UBE2E2: variants seen among roughly 807,000 people sequenced by gnomAD.
The protein encoded by UBE2E2 is ubiquitin-conjugating enzyme E2 E2.
In UBE2E2, 6 loss-of-function variants were observed where a neutral mutation model predicts 24.7. That is an observed-to-expected ratio of 0.24 (90% confidence interval 0.13 to 0.48). UBE2E2 has a LOEUF of 0.48. Among genes scored for constraint, UBE2E2 ranks in the 20% least tolerant of loss-of-function variants. The probability of loss-of-function intolerance (pLI) is 0.99; values close to 1 mark genes in which losing one functional copy is unlikely to be tolerated. For synonymous variants in UBE2E2, 104 were observed against 83.6 expected (o/e 1.24, Z -1.33); for missense variants, 169 against 245.0 (o/e 0.69, Z 2.07).
intron 3 of UBE2E2, among the ~76,000 whole-genome samples, chr3:23,377,288 G>A (rs1403637157): frequency 1.3e-5 from 2 of 152,152 alleles, no homozygotes; most frequent in Non-Finnish European, 2.9e-5. Flanking sequence ...GCACACTGAA[G>A]CAAGACTAGC....
intron 3 of UBE2E2, among the ~76,000 whole-genome samples, chr3:23,367,603 T>C (rs1417335078): frequency 6.6e-6 from 1 of 152,218 alleles, no homozygotes; most frequent in Admixed American, 6.5e-5. Flanking sequence ...TCTTCATCTA[T>C]ATCCCTTGCA....
At chr3:23,545,549 C>T (rs187987255) in intron 5 of UBE2E2, among the ~76,000 whole-genome samples, 1 of 152,266 alleles carries the variant, frequency 6.6e-6, no homozygotes, top group African/African-American at 2.4e-5. Context: ...TTTTTTAGTA[C>T]AGAACAAAAT....
At chr3:23,461,331 A>C (rs1407070446) in intron 3 of UBE2E2, among the ~76,000 whole-genome samples, 1 of 152,148 alleles carries the variant, frequency 6.6e-6, no homozygotes, top group Non-Finnish European at 1.5e-5. Context: ...CTCTTGCCTC[A>C]AGTTTGCTAG....
intron 5 of UBE2E2, among the ~76,000 whole-genome samples, chr3:23,555,351 G>A (rs1316255259): frequency 2.6e-5 from 4 of 152,154 alleles, no homozygotes; most frequent in Non-Finnish European, 5.9e-5. Flanking sequence ...CTATTAGGAT[G>A]GCTGTTACCA....
chr3:23,584,983 G>C (rs1229340246), intron 5 of UBE2E2, among the ~76,000 whole-genome samples: 1 of 152,078 alleles, frequency 6.6e-6, no homozygotes, highest in Non-Finnish European at 1.5e-5. Context: ...AGGAAGTAGA[G>C]GTGAGTAAGA....
chr3:23,307,261 C>A (rs1027991122), intron 3 of UBE2E2, among the ~76,000 whole-genome samples: 1 of 151,988 alleles, frequency 6.6e-6, no homozygotes, highest in Non-Finnish European at 1.5e-5. Flanking sequence ...TTAATAAATT[C>A]TTCCTCCCTC....
intron 3 of UBE2E2, among the ~76,000 whole-genome samples, chr3:23,373,124 C>T (rs1219884497): frequency 2.0e-5 from 3 of 152,148 alleles, no homozygotes; most frequent in African/African-American, 7.2e-5. Context: ...TCCTCAACTC[C>T]CCATGGAAAC....
intron 3 of UBE2E2, among the ~76,000 whole-genome samples, chr3:23,375,322 T>G (rs947507593): frequency 1.3e-5 from 2 of 152,304 alleles, no homozygotes; most frequent in South Asian, 4.1e-4. Flanking sequence ...ATTTATAAAC[T>G]AGTAAATCAC....
At chr3:23,565,549 G>A (rs984503960) in intron 5 of UBE2E2, among the ~76,000 whole-genome samples, 1 of 148,324 alleles carries the variant, frequency 6.7e-6, no homozygotes, top group Non-Finnish European at 1.5e-5. Flanking sequence ...AGTGCAACAG[G>A]GCTTGTTAGA....
chr3:23,449,972 C>A, intron 3 of UBE2E2: 3 of 966,678 alleles, frequency 3.1e-6, no homozygotes, highest in Non-Finnish European at 3.7e-6. Flanking sequence ...CCACTGGGCC[C>A]ACTGCTACCC....
chr3:23,458,965 G>C (rs1698743322), intron 3 of UBE2E2, among the ~76,000 whole-genome samples: 1 of 152,132 alleles, frequency 6.6e-6, no homozygotes, highest in South Asian at 2.1e-4. Context: ...CAGAAAGTAA[G>C]GTCATCATGA....
chr3:23,272,905 G>A (rs556709914), intron 3 of UBE2E2, among the ~76,000 whole-genome samples: 25 of 152,272 alleles, frequency 1.6e-4, no homozygotes, highest in Admixed American at 1.6e-3. Context: ...CCCGAAGCAG[G>A]AAAAGACTGA....
intron 3 of UBE2E2, among the ~76,000 whole-genome samples, chr3:23,372,686 G>C (rs573289708): frequency 6.6e-6 from 1 of 152,186 alleles, no homozygotes; most frequent in South Asian, 2.1e-4. Context: ...TTCTTGAATA[G>C]AGGCATTGCT....
intron 5 of UBE2E2, among the ~76,000 whole-genome samples, chr3:23,541,779 C>T (rs1019244252): frequency 7.2e-5 from 11 of 152,180 alleles, no homozygotes; most frequent in Non-Finnish European, 1.3e-4. Flanking sequence ...TCAAGTGCCT[C>T]GGCCAACCAA....
chr3:23,486,509 G>C (rs1699375605), intron 3 of UBE2E2, among the ~76,000 whole-genome samples: 1 of 152,194 alleles, frequency 6.6e-6, no homozygotes, highest in Admixed American at 6.5e-5. Context: ...GTTTCAGCTA[G>C]TTTGTGCTGC....
rs1699122794 is a variant in UBE2E2 at position 23,475,850 on chromosome 3, T to C, written c.228-23758T>C. ...AGGTACATCATGCCTGTGCAGTAAT[T>C]TGTGCTGTACCATCAAGATTGCTTT... On this transcript the variant is annotated intron_variant, in intron 3 of 5. Transcript: ENST00000396703. Among the ~76,000 whole-genome samples, 2 of 152,008 alleles carry C rather than the reference T, an allele frequency of 1.3e-5. 1 individual carries two copies. Among genetic ancestry groups the C allele is most frequent in the African/African-American group, 4.8e-5 (2 of 41,308 alleles).
At chr3:23,548,702 CCTT>C (rs1695576670) in intron 5 of UBE2E2, among the ~76,000 whole-genome samples, 1 of 152,196 alleles carries the variant, frequency 6.6e-6, no homozygotes, top group Admixed American at 6.5e-5. Flanking sequence ...CTGCTCTCCT[CCTT>C]AACTTCATTT....
chr3:23,227,206 C>T (rs1696850232), intron 3 of UBE2E2, among the ~76,000 whole-genome samples: 1 of 152,158 alleles, frequency 6.6e-6, no homozygotes, highest in Admixed American at 6.5e-5. Flanking sequence ...TGCCTGGAAA[C>T]TCATAGCCTT....
intron 5 of UBE2E2, 116 bp downstream of exon 5, chr3:23,532,817 T>A (rs1054320756): frequency 2.1e-6 from 2 of 970,218 alleles, no homozygotes; most frequent in African/African-American, 3.3e-5. Context: ...ACTACTATTA[T>A]TGTTAAATTT....
Sources: gnomAD v4.1 joint callset for allele counts (sites outside exome capture counted in the v4.1 genomes callset) on GRCh38, gnomAD v4.1.1 for gene constraint, MANE v1.5 for transcripts, NCBI Gene and HGNC (gene_info 2026-07-23, HGNC 2026-07-21) for gene names.